The following NCKAP5 variants were observed in gnomAD, a reference collection of about 807,000 sequenced individuals.
NCKAP5 encodes the protein nck-associated protein 5.
NCKAP5 carries 92 observed loss-of-function variants against 167.0 expected under a neutral mutation model. The ratio of observed to expected loss-of-function variants is 0.55; its 90% CI spans 0.47 to 0.66. The LOEUF (loss-of-function observed/expected upper bound fraction) is 0.66, where lower values mean the gene tolerates loss of function less well. Ranked by LOEUF, NCKAP5 falls within the 30% of genes least tolerant of loss-of-function variation. NCKAP5 has a pLI of 0.00. For synonymous variants in NCKAP5, 891 were observed against 877.4 expected, an observed-to-expected ratio of 1.02 and a Z score of -0.27; for missense variants, 2,378 against 2,315.0, an observed-to-expected ratio of 1.03 and a Z score of -0.56.
At chr2:133,543,783 T>C (rs77988939) in intron 2 of NCKAP5, among the ~76,000 whole-genome samples, 2,743 of 152,338 alleles carry the variant, frequency 0.018, 123 homozygotes, top group East Asian at 0.17. Context: ...TCAATACTTA[T>C]TTCTTCCTTT....
intron 5 of NCKAP5, among the ~76,000 whole-genome samples, chr2:133,165,171 C>T (rs1425364639): frequency 6.6e-6 from 1 of 152,194 alleles, no homozygotes; most frequent in African/African-American, 2.4e-5. Context: ...TACCCCAACA[C>T]AGAATTATCT....
At chr2:132,688,457 T>C (rs960300427) in intron 19 of NCKAP5, among the ~76,000 whole-genome samples, 5 of 152,212 alleles carry the variant, frequency 3.3e-5, no homozygotes, top group Non-Finnish European at 7.3e-5. Context: ...TATTAATTGC[T>C]ATCTGAATTA....
rs1558942638 is a variant in NCKAP5 at position 132,920,713 on chromosome 2, A to AGTT, written c.580-41798_580-41797insAAC. Among the ~76,000 whole-genome samples the AGTT allele has an allele frequency of 3.4e-4, 33 of 97,550 alleles. 1 individual carries two copies. Among genetic ancestry groups the AGTT allele is most frequent in the African/African-American group, 1.6e-3 (32 of 20,394 alleles). 64.0% of individuals were successfully genotyped at this position (97,550 alleles called of 152,430 possible). A position where few individuals can be genotyped will look rare whatever the true frequency, so the allele number is the denominator to read the frequency against. ...TATATATATATATACGTATATGTAT[A>AGTT]TATATGTATATATATATATGTATAT... On this transcript the variant is annotated intron_variant, in intron 8 of 19. Coordinates refer to ENST00000409261, the MANE Select transcript of NCKAP5 (RefSeq NM_207363.3).
chr2:133,053,728 C>T (rs552313381), intron 6 of NCKAP5, among the ~76,000 whole-genome samples: 4 of 152,248 alleles, frequency 2.6e-5, no homozygotes, highest in South Asian at 2.1e-4. Flanking sequence ...AAGCAAGCTC[C>T]GGTTCCTGGT....
intron 6 of NCKAP5, among the ~76,000 whole-genome samples, chr2:133,121,071 A>G (rs2082236052): frequency 6.6e-6 from 1 of 152,168 alleles, no homozygotes; most frequent in East Asian, 1.9e-4. Flanking sequence ...CTTTATTTAG[A>G]TCACTATTAG....
At chr2:133,112,318 C>T (rs1480694718) in intron 6 of NCKAP5, among the ~76,000 whole-genome samples, 2 of 151,990 alleles carry the variant, frequency 1.3e-5, no homozygotes, top group Non-Finnish European at 2.9e-5. Flanking sequence ...ACTAAAAATA[C>T]GAAAAATTAG....
At chr2:133,327,794 C>T (rs899866810) in intron 3 of NCKAP5, among the ~76,000 whole-genome samples, 2 of 151,972 alleles carry the variant, frequency 1.3e-5, no homozygotes, top group African/African-American at 4.8e-5. Flanking sequence ...TGCAGGGCTC[C>T]TCATGTGAAG....
intron 6 of NCKAP5, among the ~76,000 whole-genome samples, chr2:133,089,438 G>A (rs1486004878): frequency 1.3e-5 from 2 of 152,090 alleles, no homozygotes; most frequent in African/African-American, 4.8e-5. Flanking sequence ...CTACATATTT[G>A]TATGTGGCAA....
chr2:133,615,436 A>G, the NCKAP5 span, among the ~76,000 whole-genome samples: 1 of 152,202 alleles, frequency 6.6e-6, no homozygotes, highest in South Asian at 2.1e-4. Flanking sequence ...ATAGGCTCAA[A>G]ATAAAAGGAT....
At chr2:133,109,498 G>GA (rs2081837495) in intron 6 of NCKAP5, among the ~76,000 whole-genome samples, 1 of 152,068 alleles carries the variant, frequency 6.6e-6, no homozygotes, top group African/African-American at 2.4e-5. Context: ...AGTTACTGCC[G>GA]AAGGATATAT....
intron 19 of NCKAP5, among the ~76,000 whole-genome samples, chr2:132,685,553 G>C (rs923974991): frequency 6.6e-5 from 10 of 152,280 alleles, no homozygotes; most frequent in African/African-American, 2.4e-4. Context: ...CTCAAGGTAA[G>C]GAAGCACTGG....
intron 8 of NCKAP5, among the ~76,000 whole-genome samples, chr2:132,901,362 T>C (rs1186756314): frequency 6.6e-6 from 1 of 152,214 alleles, no homozygotes; most frequent in Non-Finnish European, 1.5e-5. Flanking sequence ...CTTGAAAACA[T>C]GACCAAATTC....
At chr2:133,434,466 C>T (rs530632002) in intron 3 of NCKAP5, among the ~76,000 whole-genome samples, 3 of 152,318 alleles carry the variant, frequency 2.0e-5, no homozygotes, top group African/African-American at 2.4e-5. Context: ...GGTCAAATCC[C>T]AGTTCTATCT....
intron 9 of NCKAP5, 79 bp downstream of exon 9, chr2:132,878,769 C>T (rs1691517889): frequency 9.9e-7 from 1 of 1,013,486 alleles, no homozygotes; most frequent in Non-Finnish European, 1.6e-6. Context: ...ATACTGGTAG[C>T]ACACACACAT....
intron 8 of NCKAP5, among the ~76,000 whole-genome samples, chr2:132,890,144 T>A (rs1353301401): frequency 6.6e-6 from 1 of 152,186 alleles, no homozygotes; most frequent in East Asian, 1.9e-4. Flanking sequence ...AAATACCAAT[T>A]CAACTCATGG....
chr2:133,410,234 A>C (rs899818152), intron 3 of NCKAP5, among the ~76,000 whole-genome samples: 5 of 152,230 alleles, frequency 3.3e-5, no homozygotes, highest in Non-Finnish European at 7.3e-5. Context: ...ATCACACGTA[A>C]GATAATAAAC....
At chr2:133,331,913 TG>T (rs1327652183) in intron 3 of NCKAP5, among the ~76,000 whole-genome samples, 1 of 152,198 alleles carries the variant, frequency 6.6e-6, no homozygotes, top group African/African-American at 2.4e-5. Flanking sequence ...GGCTGTTTCT[TG>T]GATGGGTTTC....
intron 3 of NCKAP5, among the ~76,000 whole-genome samples, chr2:133,369,839 C>T (rs1323986242): frequency 2.0e-5 from 3 of 152,200 alleles, no homozygotes; most frequent in Non-Finnish European, 2.9e-5. Flanking sequence ...GTAGTTACAT[C>T]TTCCCTGTGT....
At chr2:133,057,007 C>A (rs1368935876) in intron 6 of NCKAP5, among the ~76,000 whole-genome samples, 1 of 152,138 alleles carries the variant, frequency 6.6e-6, no homozygotes, top group South Asian at 2.1e-4. Context: ...GTCATTCGTG[C>A]AATATTTCAA....
Sources: gnomAD v4.1 joint callset for allele counts (sites outside exome capture counted in the v4.1 genomes callset) on GRCh38, gnomAD v4.1.1 for gene constraint, MANE v1.5 for transcripts, NCBI Gene and HGNC (gene_info 2026-07-23, HGNC 2026-07-21) for gene names.